The following CDIP1 variants were observed in gnomAD, a reference collection of about 807,000 sequenced individuals.
CDIP1 encodes cell death inducing p53 target 1.
A neutral mutation model predicts 17.7 loss-of-function variants in CDIP1; 9 were observed. That is an observed-to-expected ratio of 0.51 (90% CI 0.31 to 0.89). CDIP1 has a LOEUF of 0.89. CDIP1 is among the 40% of genes least tolerant of loss of function. The pLI is 0.05. For synonymous variants in CDIP1, 117 were observed against 109.5 expected (o/e 1.07, Z -0.43); for missense variants, 263 against 277.9 (o/e 0.95, Z 0.38).
At chr16:4,526,459 G>A (rs529996283) in intron 1 of CDIP1, among the ~76,000 whole-genome samples, 1 of 152,016 alleles carries the variant, frequency 6.6e-6, no homozygotes, top group East Asian at 1.9e-4. Context: ...CCAGCACTTT[G>A]GGAGGCCAAG....
intron 1 of CDIP1, among the ~76,000 whole-genome samples, chr16:4,518,706 A>G (rs1359350739): frequency 6.6e-6 from 1 of 152,232 alleles, no homozygotes; most frequent in African/African-American, 2.4e-5. Context: ...CCAATACAAA[A>G]TCAAACATGC....
chr16:4,519,125 C>T, intron 1 of CDIP1, among the ~76,000 whole-genome samples: 1 of 152,172 alleles, frequency 6.6e-6, no homozygotes, highest in African/African-American at 2.4e-5. Context: ...GTAAGTCACT[C>T]CTATGGAAGA....
intron 1 of CDIP1, among the ~76,000 whole-genome samples, chr16:4,535,630 C>T (rs537556289): frequency 1.3e-5 from 2 of 152,352 alleles, no homozygotes; most frequent in Admixed American, 6.5e-5. Flanking sequence ...GAGAGGTCTC[C>T]ACGTCTAGGC....
chr16:4,516,143 G>A (rs993241143), intron 1 of CDIP1, among the ~76,000 whole-genome samples: 1 of 152,190 alleles, frequency 6.6e-6, no homozygotes, highest in African/African-American at 2.4e-5. Context: ...CTGAAAACAT[G>A]CTTGGTGAGA....
intron 1 of CDIP1, among the ~76,000 whole-genome samples, chr16:4,518,575 C>T (rs1468351619): frequency 2.0e-5 from 3 of 152,230 alleles, no homozygotes; most frequent in Non-Finnish European, 4.4e-5. Context: ...CATGCGTCCT[C>T]CTGCTGCCTT....
In CDIP1 at chr16:4,525,436, T is replaced by C. The variant is rs2058989954; in HGVS notation, c.-104-10772A>G. Among the ~76,000 whole-genome samples, 6 of 152,280 alleles carry C rather than the reference T, an allele frequency of 3.9e-5. No individual in the cohort carries two copies. The South Asian group carries it at 1.2e-3, about 32-fold the overall frequency. ...CAGTGAACGTTAATAGAGCATGCACTGTTTGGATGCAGGTGCCCAGCACAG... is the reference window on the plus strand; with the variant it reads ...CAGTGAACGTTAATAGAGCATGCACCGTTTGGATGCAGGTGCCCAGCACAG... On this transcript the variant is annotated intron_variant, in intron 1 of 5. Transcript: ENST00000567695.
At chr16:4,517,492 C>T (rs1405624745) in intron 1 of CDIP1, among the ~76,000 whole-genome samples, 2 of 152,200 alleles carry the variant, frequency 1.3e-5, no homozygotes, top group Non-Finnish European at 2.9e-5. Flanking sequence ...CTAATCTCAG[C>T]ACTTTGGGAG....
intron 1 of CDIP1, among the ~76,000 whole-genome samples, chr16:4,535,813 G>A (rs2059101166): frequency 1.3e-5 from 2 of 152,226 alleles, no homozygotes; most frequent in African/African-American, 4.8e-5. Flanking sequence ...GGCCCTAGGC[G>A]CCTCCACCTC....
intron 1 of CDIP1, among the ~76,000 whole-genome samples, chr16:4,522,787 A>G (rs2058964383): frequency 6.6e-6 from 1 of 152,206 alleles, no homozygotes; most frequent in South Asian, 2.1e-4. Flanking sequence ...CTGCAGGGAC[A>G]GGGCAGCGGG....
At chr16:4,524,791 A>G (rs2058982999) in intron 1 of CDIP1, among the ~76,000 whole-genome samples, 1 of 152,242 alleles carries the variant, frequency 6.6e-6, no homozygotes, top group Non-Finnish European at 1.5e-5. Flanking sequence ...CAGGTTAAGT[A>G]TTAACAAGTG....
rs1187972676 is a variant in CDIP1, at chr16:4,513,684, T to C, written c.241+12A>G. ...GTTCCCCATGCTCCCCTCAGATCCC[T>C]TCCCCACTCACCCGGAGGCATGTAG... On this transcript the variant is annotated intron_variant, in intron 4 of 5. Coordinates refer to ENST00000567695, the MANE Select transcript of CDIP1 (RefSeq NM_013399.3). This position sits in a 1 kb window ranked among gnomAD's most constrained non-coding sequence, Gnocchi z 4.1. 2 of 1,611,376 alleles carry C rather than the reference T, an allele frequency of 1.2e-6. No individual in the cohort carries two copies. Among genetic ancestry groups the C allele is most frequent in the Admixed American group, 1.7e-5 (1 of 59,788 alleles).
At chr16:4,528,003 A>T (rs1367411692) in intron 1 of CDIP1, among the ~76,000 whole-genome samples, 1 of 152,124 alleles carries the variant, frequency 6.6e-6, no homozygotes, top group Admixed American at 6.5e-5. Flanking sequence ...TTTAGTAGAG[A>T]TGGGGTTTCA....
Position 4,512,698 on chromosome 16 carries a change from G to A in CDIP1, c.516-15C>T. 1 of 1,610,290 alleles carries A rather than the reference G, an allele frequency of 6.2e-7. No individual in the cohort carries two copies. Among genetic ancestry groups the A allele is most frequent in the Non-Finnish European group, 8.5e-7 (1 of 1,176,828 alleles). ...CCAGATCACATCTGAATCAGAGACA[G>A]GGAAGAACAGGCTGAGGCCTGCTGC... On this transcript the variant is annotated splice_polypyrimidine_tract_variant and intron_variant, in intron 5 of 5. Transcript: ENST00000567695. This position sits in a 1 kb window ranked among gnomAD's most constrained non-coding sequence, Gnocchi z 4.6.
At chr16:4,527,588 T>C (rs1214674819) in intron 1 of CDIP1, among the ~76,000 whole-genome samples, 3 of 152,214 alleles carry the variant, frequency 2.0e-5, no homozygotes, top group African/African-American at 7.2e-5. Context: ...GGCCACAGCA[T>C]AGTGGATCAG....
chr16:4,525,889 G>C (rs2058994946), intron 1 of CDIP1, among the ~76,000 whole-genome samples: 1 of 152,222 alleles, frequency 6.6e-6, no homozygotes, highest in Non-Finnish European at 1.5e-5. Flanking sequence ...GGACGAGACA[G>C]TCCCTCCCTC....
chr16:4,529,974 G>A (rs557665782), intron 1 of CDIP1, among the ~76,000 whole-genome samples: 40 of 152,374 alleles, frequency 2.6e-4, no homozygotes, highest in African/African-American at 7.9e-4. Context: ...GGGGTGGGAT[G>A]TGGAAAAGCA....
chr16:4,527,773 A>G (rs923950149), intron 1 of CDIP1, among the ~76,000 whole-genome samples: 7 of 152,200 alleles, frequency 4.6e-5, no homozygotes, highest in Non-Finnish European at 1.0e-4. Context: ...GCATGTGATT[A>G]GCTATATAAT....
chr16:4,521,854 G>A (rs2058953142), intron 1 of CDIP1, among the ~76,000 whole-genome samples: 1 of 152,136 alleles, frequency 6.6e-6, no homozygotes, highest in Admixed American at 6.6e-5. Flanking sequence ...CTCTCAGGGT[G>A]GGAGTGAGGT....
rs922835338 is a variant in CDIP1, at chr16:4,529,582, C to T, written c.-105+9120G>A. Among the ~76,000 whole-genome samples, 15 of 152,334 alleles carry T rather than the reference C, an allele frequency of 9.8e-5. No homozygotes were observed. In the South Asian group the frequency reaches 3.1e-3, roughly 32 times the overall value. On this transcript the variant is annotated intron_variant, in intron 1 of 5. Transcript: ENST00000567695. ...CACAAGTGAATAAACAAGTCATCTG[C>T]ACCTGTCCCACAGGCAGGCCTTGGT...
Sources: gnomAD v4.1 joint callset for allele counts (sites outside exome capture counted in the v4.1 genomes callset) on GRCh38, gnomAD v4.1.1 for gene constraint, Gnocchi (gnomAD v3.1) non-coding constraint, MANE v1.5 for transcripts, NCBI Gene and HGNC (gene_info 2026-07-23, HGNC 2026-07-21) for gene names.